Variants in ITGA9 observed in about 807,000 individuals in gnomAD.
ITGA9 encodes the protein integrin alpha-9.
ITGA9 carries 56 observed loss-of-function variants against 127.8 expected under a neutral mutation model. The ratio of observed to expected loss-of-function variants is 0.44; its 90% CI spans 0.35 to 0.55. The LOEUF is 0.55. ITGA9 is among the 20% of genes least tolerant of loss of function. The pLI is 0.00. For synonymous variants in ITGA9, 508 were observed against 514.5 expected (o/e 0.99, Z 0.17); for missense variants, 1,196 against 1,347.1 (o/e 0.89, Z 1.76).
intron 17 of ITGA9, among the ~76,000 whole-genome samples, chr3:37,683,277 G>A (rs1377363149): frequency 6.6e-6 from 1 of 152,048 alleles, no homozygotes; most frequent in Non-Finnish European, 1.5e-5. Flanking sequence ...TTCTTTCTTC[G>A]GGTTTGTACT....
chr3:37,466,042 A>G lies in ITGA9; in HGVS notation c.186-4965A>G, dbSNP rs73826548. Among the ~76,000 whole-genome samples the G allele has an allele frequency of 9.4e-3, 1,427 of 152,172 alleles. 22 individuals are homozygous for G. The highest frequency in any genetic ancestry group is 0.032 in the African/African-American group (1,347 of 41,512). The stretch of plus-strand genomic sequence containing the variant: ...TCCCTATCTGTAAAATGGGGATAAT[A>G]TTAGTACCTCCCGTAGGGTTGCTGT... On this transcript the variant is annotated intron_variant, in intron 1 of 27. Transcript: ENST00000264741.
intron 16 of ITGA9, among the ~76,000 whole-genome samples, chr3:37,645,601 C>A (rs1456554392): frequency 6.6e-6 from 1 of 152,102 alleles, no homozygotes; most frequent in African/African-American, 2.4e-5. Flanking sequence ...TTAAAAATAG[C>A]CTTCTTGTTT....
At position 37,463,686 on chromosome 3, in the gene ITGA9, G is replaced by A. The variant is rs533654527; in HGVS notation, c.186-7321G>A. ...CACATTTCATCTCTTGACAAGAGAA[G>A]CTGCAAAGTCACACTGAAAAGAGCA... On this transcript the variant is annotated intron_variant, in intron 1 of 27. Coordinates refer to ENST00000264741, the MANE Select transcript of ITGA9 (RefSeq NM_002207.3). Among the ~76,000 whole-genome samples the A allele has an allele frequency of 9.2e-5, 14 of 152,314 alleles. No individual in the cohort carries two copies. In the South Asian group the frequency reaches 1.2e-3, roughly 14 times the overall value.
At chr3:37,647,057 CA>C (rs774025706) in intron 16 of ITGA9, among the ~76,000 whole-genome samples, 8 of 152,204 alleles carry the variant, frequency 5.3e-5, no homozygotes, top group Non-Finnish European at 7.4e-5. Flanking sequence ...AGAACACAGG[CA>C]CTGAGTTTCA....
chr3:37,625,593 T>A (rs1700168897), intron 15 of ITGA9, among the ~76,000 whole-genome samples: 1 of 152,196 alleles, frequency 6.6e-6, no homozygotes, highest in Non-Finnish European at 1.5e-5. Flanking sequence ...TTTTAGAATT[T>A]TCAGTTTGTA....
chr3:37,775,461 G>A (rs895614436), intron 23 of ITGA9, among the ~76,000 whole-genome samples: 2 of 123,298 alleles, frequency 1.6e-5, no homozygotes, highest in African/African-American at 4.6e-5. Flanking sequence ...TGGCTAACAC[G>A]GTGAACCCCA....
At chr3:37,818,104 C>A (rs538026957) in intron 27 of ITGA9, among the ~76,000 whole-genome samples, 122 of 145,094 alleles carry the variant, frequency 8.4e-4, no homozygotes, top group African/African-American at 3.0e-3. Context: ...GCCAAATAAG[C>A]TTGGGGAATG....
intron 15 of ITGA9, among the ~76,000 whole-genome samples, chr3:37,615,483 A>G (rs1700064916): frequency 6.6e-6 from 1 of 152,216 alleles, no homozygotes; most frequent in Non-Finnish European, 1.5e-5. Flanking sequence ...GGCCTCATAA[A>G]ATGAATTGGG....
At chr3:37,600,217 C>T (rs1575162964) in intron 15 of ITGA9, among the ~76,000 whole-genome samples, 1 of 152,262 alleles carries the variant, frequency 6.6e-6, no homozygotes, top group East Asian at 1.9e-4. Context: ...ATACGAGACT[C>T]TGTTCTAGGA....
chr3:37,513,242 G>C (rs1345350504), intron 8 of ITGA9, among the ~76,000 whole-genome samples: 1 of 152,094 alleles, frequency 6.6e-6, no homozygotes. Context: ...ACCTCATTCT[G>C]TGGGCATCAA....
At chr3:37,758,145 A>G in intron 23 of ITGA9, among the ~76,000 whole-genome samples, 1 of 149,880 alleles carries the variant, frequency 6.7e-6, no homozygotes, top group Non-Finnish European at 1.5e-5. Context: ...AACAAGGTGA[A>G]ACCCCGTCTC....
intron 8 of ITGA9, among the ~76,000 whole-genome samples, chr3:37,509,737 A>G (rs1698882529): frequency 1.3e-5 from 2 of 152,132 alleles, no homozygotes; most frequent in Non-Finnish European, 2.9e-5. Context: ...GGCTTGTGTT[A>G]TTTTAACATT....
chr3:37,475,369 T>C (rs1698482891), intron 3 of ITGA9, among the ~76,000 whole-genome samples: 1 of 152,190 alleles, frequency 6.6e-6, no homozygotes, highest in African/African-American at 2.4e-5. Context: ...ATATTTCCTC[T>C]CTGCAAGGAA....
At chr3:37,553,013 T>TA (rs10662748) in intron 15 of ITGA9, among the ~76,000 whole-genome samples, 58,571 of 136,994 alleles carry the variant, frequency 0.43, 13,386 homozygotes, top group East Asian at 0.71. Flanking sequence ...AGACTCCATC[T>TA]AAAAAAAAAA....
chr3:37,472,560 T>C (rs968669526), intron 2 of ITGA9, among the ~76,000 whole-genome samples: 3 of 151,912 alleles, frequency 2.0e-5, no homozygotes, highest in South Asian at 2.1e-4. Context: ...CATCTTCGGC[T>C]AATTTTTGTG....
intron 1 of ITGA9, among the ~76,000 whole-genome samples, chr3:37,456,407 C>T (rs1698258272): frequency 1.3e-5 from 2 of 152,176 alleles, no homozygotes; most frequent in South Asian, 2.1e-4. Context: ...TTTCTGTCCC[C>T]TTCCTTTAGA....
At chr3:37,490,973 C>CCCCCA (rs397726826) in intron 4 of ITGA9, among the ~76,000 whole-genome samples, 1 of 133,200 alleles carries the variant, frequency 7.5e-6, no homozygotes. Context: ...GCTTCCCCCC[C>CCCCCA]GCTTTTTTTT....
At chr3:37,642,285 C>A (rs1397081287) in intron 16 of ITGA9, among the ~76,000 whole-genome samples, 1 of 152,214 alleles carries the variant, frequency 6.6e-6, no homozygotes, top group South Asian at 2.1e-4. Context: ...TCTAACAGAA[C>A]GTGTTATTTC....
intron 15 of ITGA9, among the ~76,000 whole-genome samples, chr3:37,614,060 G>A (rs1225928643): frequency 1.2e-3 from 181 of 152,130 alleles, no homozygotes; most frequent in Non-Finnish European, 1.7e-3. Flanking sequence ...CCTGAATGGT[G>A]TTGCCTAGGT....
Sources: gnomAD v4.1 joint callset for allele counts (sites outside exome capture counted in the v4.1 genomes callset) on GRCh38, gnomAD v4.1.1 for gene constraint, MANE v1.5 for transcripts, NCBI Gene and HGNC (gene_info 2026-07-23, HGNC 2026-07-21) for gene names.